Variants in SPIDR observed in about 807,000 individuals in gnomAD.
SPIDR encodes DNA repair-scaffolding protein.
Under a neutral mutation model 104.6 loss-of-function variants are expected in SPIDR, and 93 were observed. That is an observed-to-expected ratio of 0.89 (90% CI 0.75 to 1.06). SPIDR has a LOEUF of 1.06. Among genes scored for constraint, SPIDR ranks in the 50% least tolerant of loss-of-function variants. The probability of loss-of-function intolerance (pLI) is 0.00; values close to 1 mark genes in which losing one functional copy is unlikely to be tolerated. For missense variants in SPIDR, 1,154 were observed against 1,111.2 expected (o/e 1.04, Z -0.55); for synonymous variants, 431 against 416.9 (o/e 1.03, Z -0.41).
intron 10 of SPIDR, among the ~76,000 whole-genome samples, chr8:47,614,737 A>G (rs1203799730): frequency 1.3e-5 from 2 of 152,198 alleles, no homozygotes; most frequent in Non-Finnish European, 2.9e-5. Context: ...GCTGAGTCAA[A>G]TGGTATTTCT....
chr8:47,692,989 C>T (rs2078882155), intron 11 of SPIDR, among the ~76,000 whole-genome samples: 1 of 152,210 alleles, frequency 6.6e-6, no homozygotes, highest in Non-Finnish European at 1.5e-5. Flanking sequence ...GCGATGGCCT[C>T]ATTTTACCAT....
intron 5 of SPIDR, among the ~76,000 whole-genome samples, chr8:47,388,729 G>T (rs2060230362): frequency 6.6e-6 from 1 of 152,232 alleles, no homozygotes; most frequent in Admixed American, 6.5e-5. Flanking sequence ...GGCTGCCAGA[G>T]GTTGAAGGGT....
At chr8:47,603,082 A>G (rs1257284175) in intron 10 of SPIDR, among the ~76,000 whole-genome samples, 2 of 152,278 alleles carry the variant, frequency 1.3e-5, no homozygotes, top group Non-Finnish European at 2.9e-5. Context: ...CAGAGCCCAA[A>G]CACACCTTTT....
rs2040397386 is a variant in SPIDR at position 47,294,044 on chromosome 8, A to G, written c.525+14A>G. ...GAGCTTCCCAAGGTAAGAATGAAGTATTTCAAAACTTTTATTCACTTTATA... is the reference window on the plus strand; with the variant it reads ...GAGCTTCCCAAGGTAAGAATGAAGTGTTTCAAAACTTTTATTCACTTTATA... On this transcript the variant is annotated intron_variant, in intron 5 of 19. Coordinates refer to ENST00000297423, the MANE Select transcript of SPIDR (RefSeq NM_001080394.4). The G allele has an allele frequency of 7.5e-6, 12 of 1,601,144 alleles. No individual in the cohort carries two copies. Among genetic ancestry groups the G allele is most frequent in the Non-Finnish European group, 9.4e-6 (11 of 1,175,206 alleles).
At chr8:47,620,477 A>G (rs374793339) in intron 10 of SPIDR, among the ~76,000 whole-genome samples, 8 of 152,192 alleles carry the variant, frequency 5.3e-5, no homozygotes, top group African/African-American at 1.9e-4. Context: ...CATGTTGGCC[A>G]GGCTGGTCTC....
intron 10 of SPIDR, among the ~76,000 whole-genome samples, chr8:47,627,632 A>G (rs1252077569): frequency 6.6e-6 from 1 of 152,170 alleles, no homozygotes; most frequent in African/African-American, 2.4e-5. Flanking sequence ...TTATAGAACT[A>G]AATCCAAACG....
intron 5 of SPIDR, among the ~76,000 whole-genome samples, chr8:47,363,167 T>C (rs2056432364): frequency 6.6e-6 from 1 of 150,878 alleles, no homozygotes; most frequent in Admixed American, 6.6e-5. Flanking sequence ...TTAAAAGGTA[T>C]AGAAATTAAA....
At position 47,508,310 on chromosome 8, in the gene SPIDR, C is replaced by G. The variant is rs553063339; in HGVS notation, c.1097+67768C>G. On this transcript the variant is annotated intron_variant, in intron 8 of 19. Coordinates refer to ENST00000297423, the MANE Select transcript of SPIDR (RefSeq NM_001080394.4). ...ATTGGGATAGGAAAACACGTACATG[C>G]AAACACATACCACTTTTGTCATATC... 2.6e-5 allele frequency among the ~76,000 whole-genome samples: 4 copies of G among 152,292 alleles called. No individual in the cohort carries two copies. In the East Asian group the frequency reaches 7.7e-4, roughly 29 times the overall value.
intron 10 of SPIDR, among the ~76,000 whole-genome samples, chr8:47,605,948 T>C (rs910302382): frequency 2.0e-5 from 3 of 152,162 alleles, no homozygotes; most frequent in African/African-American, 7.2e-5. Flanking sequence ...CTGAGGAAGC[T>C]TGCTTGAAGG....
At chr8:47,409,532 G>T (rs1447580425) in intron 7 of SPIDR, among the ~76,000 whole-genome samples, 1 of 152,142 alleles carries the variant, frequency 6.6e-6, no homozygotes, top group East Asian at 1.9e-4. Flanking sequence ...TTTCCTGAGG[G>T]ATCATTGGGA....
At chr8:47,500,804 T>C (rs1321295271) in intron 8 of SPIDR, among the ~76,000 whole-genome samples, 1 of 152,238 alleles carries the variant, frequency 6.6e-6, no homozygotes, top group Non-Finnish European at 1.5e-5. Context: ...TAATCCATCT[T>C]GAATTAATTT....
chr8:47,499,128 A>G (rs1222852848), intron 8 of SPIDR, among the ~76,000 whole-genome samples: 1 of 152,154 alleles, frequency 6.6e-6, no homozygotes, highest in Non-Finnish European at 1.5e-5. Context: ...CCCAGGAGGA[A>G]CTCAATAAAT....
At chr8:47,385,675 T>A (rs1414383828) in intron 5 of SPIDR, among the ~76,000 whole-genome samples, 1 of 152,258 alleles carries the variant, frequency 6.6e-6, no homozygotes, top group Non-Finnish European at 1.5e-5. Flanking sequence ...TTCCTTGGAA[T>A]GCCTTTTTGC....
chr8:47,685,201 A>G (rs1054620605), intron 11 of SPIDR, among the ~76,000 whole-genome samples: 3 of 152,048 alleles, frequency 2.0e-5, no homozygotes, highest in Non-Finnish European at 2.9e-5. Flanking sequence ...CAAGAGCAAA[A>G]CTCCGTCTCA....
intron 11 of SPIDR, among the ~76,000 whole-genome samples, chr8:47,685,495 T>TTATG (rs1350437406): frequency 1.5e-5 from 2 of 130,948 alleles, no homozygotes; most frequent in Admixed American, 1.7e-4. Context: ...ATTTATTTAT[T>TTATG]TATTTATTTA....
At chr8:47,722,198 G>A (rs1038102261) in intron 16 of SPIDR, among the ~76,000 whole-genome samples, 1 of 152,062 alleles carries the variant, frequency 6.6e-6, no homozygotes, top group Non-Finnish European at 1.5e-5. Context: ...AGTTTCATAG[G>A]AAAACAATTA....
intron 6 of SPIDR, among the ~76,000 whole-genome samples, chr8:47,407,333 C>T (rs2062891865): frequency 6.6e-6 from 1 of 152,138 alleles, no homozygotes; most frequent in Non-Finnish European, 1.5e-5. Flanking sequence ...TACCCAAGTG[C>T]TCTTATTTGA....
intron 14 of SPIDR, among the ~76,000 whole-genome samples, chr8:47,702,838 C>T (rs2080506636): frequency 6.6e-6 from 1 of 152,174 alleles, no homozygotes; most frequent in African/African-American, 2.4e-5. Flanking sequence ...AACCAGGCCC[C>T]AGATGCCTGC....
intron 10 of SPIDR, chr8:47,660,586 G>T (rs1467903860): frequency 1.1e-6 from 1 of 929,052 alleles, no homozygotes; most frequent in East Asian, 1.2e-4. Flanking sequence ...GTTGAGAGGG[G>T]TGAAGTGTGG....
Sources: allele counts gnomAD v4.1 joint callset (sites outside exome capture counted in the v4.1 genomes callset), GRCh38; gene constraint gnomAD v4.1.1; transcripts MANE v1.5; gene names NCBI Gene and HGNC (gene_info 2026-07-23, HGNC 2026-07-21).